Variants in PDZRN4 observed in about 807,000 individuals in gnomAD.
The protein encoded by PDZRN4 is PDZ domain-containing RING finger protein 4.
In PDZRN4, 70 loss-of-function variants were observed where a neutral mutation model predicts 99.0. That is an observed-to-expected ratio of 0.71 (90% CI 0.58 to 0.86). The LOEUF (loss-of-function observed/expected upper bound fraction) is 0.86, where lower values mean the gene tolerates loss of function less well. PDZRN4 is among the 40% of genes least tolerant of loss of function. The pLI is 0.00. For synonymous variants in PDZRN4, 551 were observed against 501.6 expected, an observed-to-expected ratio of 1.10 and a Z score of -1.32; for missense variants, 1,474 against 1,331.2, an observed-to-expected ratio of 1.11 and a Z score of -1.67.
At chr12:41,248,804 G>A (rs1951150146) in intron 3 of PDZRN4, among the ~76,000 whole-genome samples, 1 of 152,100 alleles carries the variant, frequency 6.6e-6, no homozygotes, top group African/African-American at 2.4e-5. Context: ...GCATTGTAAT[G>A]TAGCATTTTA....
chr12:41,230,667 A>G (rs1192810982), intron 3 of PDZRN4, among the ~76,000 whole-genome samples: 1 of 152,114 alleles, frequency 6.6e-6, no homozygotes, highest in African/African-American at 2.4e-5. Flanking sequence ...GTAGATTCCA[A>G]ATAAAGTGTA....
Position 41,310,256 on chromosome 12 carries a change from T to TTG in PDZRN4, c.843+116090_843+116091dup, listed in dbSNP as rs67129655. Among the ~76,000 whole-genome samples, 1,494 of 150,060 alleles carry TTG rather than the reference T, an allele frequency of 1.0e-2. 19 individuals carry two copies. The highest frequency in any genetic ancestry group is 0.033 in the African/African-American group (1,356 of 40,802). On this transcript the variant is annotated intron_variant, in intron 3 of 9. Coordinates refer to ENST00000402685, the MANE Select transcript of PDZRN4 (RefSeq NM_001164595.2). ...CCTTGTGAGGAACTTTCATTTTTGT[T>TTG]TGTGTGTGTGTGTGTGTGTGTGTAT...
intron 3 of PDZRN4, among the ~76,000 whole-genome samples, chr12:41,468,192 G>A (rs1952948155): frequency 6.6e-6 from 1 of 152,166 alleles, no homozygotes; most frequent in African/African-American, 2.4e-5. Context: ...GAGAGAATAT[G>A]CATCTGACCC....
At position 41,554,810 on chromosome 12, in the gene PDZRN4, C is replaced by CGT. The variant is rs557436970; in HGVS notation, c.1303-879_1303-878dup. ...TAATTAAATGCATGGATCAGATGTG[C>CGT]GTGTGTGTGTATGTGTGTGTGTGTG... On this transcript the variant is annotated intron_variant, in intron 6 of 9. Coordinates refer to ENST00000402685, the MANE Select transcript of PDZRN4 (RefSeq NM_001164595.2). Among the ~76,000 whole-genome samples the CGT allele has an allele frequency of 7.9e-3, 1,200 of 151,144 alleles. 14 individuals carry two copies. Among genetic ancestry groups the CGT allele is most frequent in the African/African-American group, 0.027 (1,131 of 41,232 alleles).
chr12:41,247,968 C>T (rs78174802), intron 3 of PDZRN4, among the ~76,000 whole-genome samples: 6 of 41,846 alleles, frequency 1.4e-4, no homozygotes, highest in African/African-American at 3.3e-4. Flanking sequence ...GGCTCACAGA[C>T]GTGAAAGTTA....
At chr12:41,211,845 G>A (rs898730922) in intron 3 of PDZRN4, among the ~76,000 whole-genome samples, 1 of 151,914 alleles carries the variant, frequency 6.6e-6, no homozygotes, top group Non-Finnish European at 1.5e-5. Flanking sequence ...AACCCATCAC[G>A]AGGCATTTAA....
chr12:41,268,116 AT>A (rs58935194), intron 3 of PDZRN4, among the ~76,000 whole-genome samples: 4 of 151,948 alleles, frequency 2.6e-5, no homozygotes, highest in East Asian at 1.9e-4. Flanking sequence ...CAAAAGAGGC[AT>A]TTTTTTTATT....
rs1249294104 is a variant in PDZRN4, at chr12:41,573,742, T to C, written c.2963T>C (p.Ile988Thr). ...GAGGGCAAGAAGGAGATCAATATCA[T>C]TGAACTGAGTCACAAAAAGATGATG... is the stretch of plus-strand genomic sequence containing the variant. ...GSEGKKEINI[I>T]ELSHKKMMKK... Residue 988 changes from isoleucine (I) to threonine (T), a missense_variant, in exon 10 of 10, where the codon ATT (isoleucine) becomes ACT (threonine). Coordinates refer to ENST00000402685, the MANE Select transcript of PDZRN4 (RefSeq NM_001164595.2). The C allele has an allele frequency of 6.2e-7, 1 of 1,613,820 alleles. No homozygotes were observed. The highest frequency in any genetic ancestry group is 8.5e-7 in the Non-Finnish European group (1 of 1,179,926).
chr12:41,566,484 T>C (rs1592115997), intron 8 of PDZRN4, among the ~76,000 whole-genome samples: 1 of 152,200 alleles, frequency 6.6e-6, no homozygotes, highest in East Asian at 1.9e-4. Flanking sequence ...CATCTGCATA[T>C]CAAAGTCACA....
chr12:41,463,408 A>C (rs1349773162), intron 3 of PDZRN4, among the ~76,000 whole-genome samples: 1 of 152,190 alleles, frequency 6.6e-6, no homozygotes, highest in Non-Finnish European at 1.5e-5. Flanking sequence ...ACTCTGGATT[A>C]GAATTATTCA....
intron 1 of PDZRN4, among the ~76,000 whole-genome samples, chr12:41,190,901 G>T (rs943393291): frequency 6.6e-6 from 1 of 151,972 alleles, no homozygotes; most frequent in African/African-American, 2.4e-5. Context: ...TTTTTATTCT[G>T]CAGGAATTAT....
At chr12:41,425,898 T>C (rs1475262015) in intron 3 of PDZRN4, among the ~76,000 whole-genome samples, 2 of 152,306 alleles carry the variant, frequency 1.3e-5, no homozygotes, top group South Asian at 2.1e-4. Context: ...TTCTAAAATA[T>C]GTGATTTCTC....
intron 3 of PDZRN4, among the ~76,000 whole-genome samples, chr12:41,383,758 T>C (rs1055211405): frequency 5.3e-5 from 8 of 152,200 alleles, no homozygotes; most frequent in Admixed American, 2.6e-4. Flanking sequence ...TGATTTACAT[T>C]AGTGCAAGTT....
At chr12:41,292,716 A>C (rs904719620) in intron 3 of PDZRN4, among the ~76,000 whole-genome samples, 8 of 152,118 alleles carry the variant, frequency 5.3e-5, no homozygotes, top group African/African-American at 1.7e-4. Context: ...GCATGCTGCT[A>C]ATCTGTTGTC....
At chr12:41,540,420 A>G (rs553214126) in intron 5 of PDZRN4, among the ~76,000 whole-genome samples, 44 of 152,306 alleles carry the variant, frequency 2.9e-4, no homozygotes, top group African/African-American at 1.0e-3. Flanking sequence ...AAAATATAAT[A>G]ATATAAAAGG....
chr12:41,210,091 T>A (rs1421645019), intron 3 of PDZRN4, among the ~76,000 whole-genome samples: 1 of 152,162 alleles, frequency 6.6e-6, no homozygotes, highest in East Asian at 1.9e-4. Context: ...ATTTCTCTGA[T>A]GGCCAGTGAT....
chr12:41,508,291 C>T (rs964269300), intron 4 of PDZRN4, among the ~76,000 whole-genome samples: 4 of 152,152 alleles, frequency 2.6e-5, no homozygotes, highest in African/African-American at 7.2e-5. Flanking sequence ...TCCTGCAGAC[C>T]TTAGCTTAGA....
chr12:41,232,514 CAT>C (rs1484087709), intron 3 of PDZRN4, among the ~76,000 whole-genome samples: 1 of 152,116 alleles, frequency 6.6e-6, no homozygotes, highest in African/African-American at 2.4e-5. Flanking sequence ...CTTATCCTTA[CAT>C]GTTTAGCACA....
At chr12:41,564,615 CT>C (rs1354166102) in intron 8 of PDZRN4, among the ~76,000 whole-genome samples, 1 of 152,094 alleles carries the variant, frequency 6.6e-6, no homozygotes, top group Non-Finnish European at 1.5e-5. Context: ...AAAGATCACC[CT>C]TTCTGCATAT....
Sources: gnomAD v4.1 joint callset for allele counts (sites outside exome capture counted in the v4.1 genomes callset) on GRCh38, gnomAD v4.1.1 for gene constraint, MANE v1.5 for transcripts, NCBI Gene and HGNC (gene_info 2026-07-23, HGNC 2026-07-21) for gene names.